The following STAM variants were observed in gnomAD, a reference collection of about 807,000 sequenced individuals.
STAM encodes the protein signal transducing adapter molecule 1.
Under a neutral mutation model 63.4 loss-of-function variants are expected in STAM, and 16 were observed. The ratio of observed to expected loss-of-function variants is 0.25; its 90% CI spans 0.17 to 0.38. The LOEUF is 0.38. STAM is among the 10% of genes least tolerant of loss of function. The probability of loss-of-function intolerance (pLI) is 1.00; values close to 1 mark genes in which losing one functional copy is unlikely to be tolerated. For synonymous variants in STAM, 238 were observed against 223.9 expected (o/e 1.06, Z -0.56); for missense variants, 636 against 657.1 (o/e 0.97, Z 0.35).
At chr10:17,692,001 T>C (rs1554826846) in intron 5 of STAM, among the ~76,000 whole-genome samples, 1 of 152,238 alleles carries the variant, frequency 6.6e-6, no homozygotes, top group African/African-American at 2.4e-5. Flanking sequence ...ACATACTTTT[T>C]GTTTTAAACC....
intron 12 of STAM, among the ~76,000 whole-genome samples, chr10:17,708,265 A>G (rs1004042102): frequency 6.6e-6 from 1 of 152,206 alleles, no homozygotes; most frequent in African/African-American, 2.4e-5. Context: ...CAGAGACTAC[A>G]TGGTCCACAA....
intron 2 of STAM, among the ~76,000 whole-genome samples, chr10:17,661,835 C>T (rs891121460): frequency 1.3e-5 from 2 of 152,174 alleles, no homozygotes; most frequent in East Asian, 1.9e-4. Context: ...ACCCTCCACT[C>T]TAGCTTTTTT....
rs1441137420 is a variant in STAM, at chr10:17,663,788, A to G, written c.125+3240A>G. Among the ~76,000 whole-genome samples the G allele has an allele frequency of 3.3e-5, 5 of 152,218 alleles. No homozygotes were observed. The East Asian group carries it at 9.6e-4, about 29-fold the overall frequency. On this transcript the variant is annotated intron_variant, in intron 2 of 13. Transcript: ENST00000377524. The stretch of plus-strand genomic sequence containing the variant: ...TTTAAAAAAATGTCAGGCCTTCAAT[A>G]ATTGCTCATGTATGTATTTTCTTTC...
chr10:17,682,233 A>G (rs1459855526), intron 2 of STAM, among the ~76,000 whole-genome samples: 1 of 152,246 alleles, frequency 6.6e-6, no homozygotes, highest in Non-Finnish European at 1.5e-5. Context: ...AAAATGAAAT[A>G]GTATTGTCAG....
intron 2 of STAM, among the ~76,000 whole-genome samples, chr10:17,664,969 GATAAATA>G (rs1204854322): frequency 2.6e-5 from 4 of 152,006 alleles, no homozygotes; most frequent in African/African-American, 4.8e-5. Context: ...TCATTTAGAG[GATAAATA>G]AAATGAAATA....
intron 2 of STAM, among the ~76,000 whole-genome samples, chr10:17,683,979 T>C (rs1326173197): frequency 6.6e-6 from 1 of 152,222 alleles, no homozygotes; most frequent in African/African-American, 2.4e-5. Flanking sequence ...GTAGGTATGA[T>C]TGAGCTGCAT....
At chr10:17,712,937 G>A (rs1836622551) in intron 13 of STAM, among the ~76,000 whole-genome samples, 1 of 152,128 alleles carries the variant, frequency 6.6e-6, no homozygotes, top group African/African-American at 2.4e-5. Flanking sequence ...TGGTGTTGGA[G>A]CGTGTGCTTC....
intron 12 of STAM, among the ~76,000 whole-genome samples, chr10:17,708,173 A>G (rs1836384935): frequency 6.6e-6 from 1 of 152,182 alleles, no homozygotes; most frequent in South Asian, 2.1e-4. Context: ...TACAGGCATG[A>G]GCCACCATGC....
intron 2 of STAM, among the ~76,000 whole-genome samples, chr10:17,678,116 G>A (rs1183505471): frequency 6.6e-6 from 1 of 152,150 alleles, no homozygotes; most frequent in Non-Finnish European, 1.5e-5. Context: ...CTCATTAGCA[G>A]TCACTCCCAT....
chr10:17,647,281 C>T (rs782064979), intron 1 of STAM, among the ~76,000 whole-genome samples: 10 of 152,242 alleles, frequency 6.6e-5, no homozygotes, highest in South Asian at 2.1e-4. Flanking sequence ...TCTCTAGTGA[C>T]TTCCACCTTG....
intron 5 of STAM, among the ~76,000 whole-genome samples, chr10:17,691,835 C>G (rs1362483837): frequency 2.0e-5 from 3 of 152,072 alleles, no homozygotes; most frequent in Admixed American, 6.5e-5. Flanking sequence ...ATTGTTTGCC[C>G]TGGGAATGAC....
intron 2 of STAM, among the ~76,000 whole-genome samples, chr10:17,671,137 G>A (rs1257528877): frequency 1.3e-5 from 2 of 152,154 alleles, no homozygotes; most frequent in African/African-American, 4.8e-5. Context: ...GCTGCTGTGT[G>A]TCTGCTAGGT....
chr10:17,697,808 A>G (rs1835826623), intron 8 of STAM, among the ~76,000 whole-genome samples: 1 of 152,170 alleles, frequency 6.6e-6, no homozygotes, highest in Admixed American at 6.5e-5. Flanking sequence ...TTATATGTAT[A>G]GGTTGATATG....
chr10:17,658,114 C>G (rs1834014817), intron 1 of STAM, among the ~76,000 whole-genome samples: 1 of 152,070 alleles, frequency 6.6e-6, no homozygotes. Flanking sequence ...AAATTTCCCT[C>G]TAACCACTGC....
intron 1 of STAM, among the ~76,000 whole-genome samples, chr10:17,654,689 T>A (rs1183838012): frequency 6.6e-6 from 1 of 152,202 alleles, no homozygotes; most frequent in African/African-American, 2.4e-5. Context: ...TACAATATAT[T>A]ACCAAAACTT....
chr10:17,658,190 C>T (rs1014087242), intron 1 of STAM, among the ~76,000 whole-genome samples: 1 of 149,384 alleles, frequency 6.7e-6, no homozygotes, highest in African/African-American at 2.5e-5. Context: ...TTTAAAATTT[C>T]TTTTAAGTTT....
At chr10:17,698,421 C>CTTT (rs36053695) in intron 8 of STAM, among the ~76,000 whole-genome samples, 1 of 142,048 alleles carries the variant, frequency 7.0e-6, no homozygotes. Flanking sequence ...GCCATTTCAT[C>CTTT]TTTTTTTTTT....
chr10:17,679,021 T>C (rs1419121612), intron 2 of STAM, among the ~76,000 whole-genome samples: 2 of 152,238 alleles, frequency 1.3e-5, no homozygotes, highest in East Asian at 3.8e-4. Context: ...CATTCTTTCG[T>C]TGATGGACAT....
chr10:17,665,388 G>A (rs1193745730), intron 2 of STAM, among the ~76,000 whole-genome samples: 1 of 151,792 alleles, frequency 6.6e-6, no homozygotes, highest in African/African-American at 2.4e-5. Flanking sequence ...TCCCTGTTTC[G>A]CTGCTCTCAT....
Sources: gnomAD v4.1 joint callset for allele counts (sites outside exome capture counted in the v4.1 genomes callset) on GRCh38, gnomAD v4.1.1 for gene constraint, MANE v1.5 for transcripts, NCBI Gene and HGNC (gene_info 2026-07-23, HGNC 2026-07-21) for gene names.